RNLS: variants seen among roughly 807,000 people sequenced by gnomAD.
The protein encoded by RNLS is renalase, FAD dependent amine oxidase, also known as renalase.
Under a neutral mutation model 39.8 loss-of-function variants are expected in RNLS, and 39 were observed. The observed-to-expected ratio is 0.98, with a 90% CI of 0.76 to 1.28. The LOEUF (loss-of-function observed/expected upper bound fraction) is 1.28. RNLS is among the 50% of genes most tolerant of loss of function. The pLI, the probability that RNLS is intolerant of heterozygous loss-of-function variation, is 0.00. For missense variants in RNLS, 410 were observed against 413.3 expected (o/e 0.99, Z 0.07); for synonymous variants, 147 against 150.7 (o/e 0.98, Z 0.18).
the RNLS span, among the ~76,000 whole-genome samples, chr10:88,252,545 C>T: frequency 3.3e-5 from 5 of 152,152 alleles, no homozygotes; most frequent in Non-Finnish European, 5.9e-5. Flanking sequence ...CTTTACCTGC[C>T]CAAGTCTATA....
the RNLS span, among the ~76,000 whole-genome samples, chr10:88,176,737 A>G: frequency 1.3e-5 from 2 of 151,944 alleles, no homozygotes; most frequent in East Asian, 3.9e-4. Flanking sequence ...GTAATGGTAG[A>G]TATTGTTCTT....
At chr10:88,525,457 A>C (rs1847055051) in intron 4 of RNLS, among the ~76,000 whole-genome samples, 1 of 152,034 alleles carries the variant, frequency 6.6e-6, no homozygotes, top group Non-Finnish European at 1.5e-5. Context: ...CCTCATTTTT[A>C]TTTTTAATTT....
chr10:88,191,066 G>T, the RNLS span, among the ~76,000 whole-genome samples: 1 of 152,186 alleles, frequency 6.6e-6, no homozygotes, highest in Non-Finnish European at 1.5e-5. Flanking sequence ...GACCCAGCTG[G>T]CTTGGCTTAG....
chr10:88,409,613 A>G (rs948818838), intron 4 of RNLS, among the ~76,000 whole-genome samples: 10 of 152,112 alleles, frequency 6.6e-5, no homozygotes, highest in African/African-American at 2.4e-4. Flanking sequence ...AGGATTATAT[A>G]AAATAGTGGA....
chr10:88,231,942 CTG>C, the RNLS span, among the ~76,000 whole-genome samples: 10,602 of 149,714 alleles, frequency 0.071, 448 homozygotes, highest in East Asian at 0.14. Flanking sequence ...CACAGGATTT[CTG>C]TGTGTGTGTG....
At chr10:88,449,921 C>T (rs940917937) in intron 4 of RNLS, among the ~76,000 whole-genome samples, 1 of 151,888 alleles carries the variant, frequency 6.6e-6, no homozygotes, top group African/African-American at 2.4e-5. Flanking sequence ...GCATCAAGAA[C>T]AAAATGTCCA....
At chr10:88,466,835 A>C (rs1310097005) in intron 4 of RNLS, among the ~76,000 whole-genome samples, 1 of 152,168 alleles carries the variant, frequency 6.6e-6, no homozygotes, top group Non-Finnish European at 1.5e-5. Context: ...AGACGCAAAG[A>C]ATGTTTGAGC....
the RNLS span, among the ~76,000 whole-genome samples, chr10:88,267,994 CAGAA>C: frequency 6.6e-6 from 1 of 152,150 alleles, no homozygotes; most frequent in Non-Finnish European, 1.5e-5. Flanking sequence ...TTTTCATAAA[CAGAA>C]AGGTTCTGTG....
intron 5 of RNLS, among the ~76,000 whole-genome samples, chr10:88,340,101 T>G (rs1652355955): frequency 6.6e-6 from 1 of 152,242 alleles, no homozygotes. Flanking sequence ...TATCTTGCAA[T>G]AATTCAGACC....
the RNLS span, among the ~76,000 whole-genome samples, chr10:88,174,954 C>T: frequency 6.6e-6 from 1 of 152,108 alleles, no homozygotes; most frequent in Admixed American, 6.5e-5. Context: ...TTGGACTGTT[C>T]AGGTATTCTA....
intron 6 of RNLS, among the ~76,000 whole-genome samples, chr10:88,290,679 A>G (rs1333375952): frequency 6.6e-6 from 1 of 152,240 alleles, no homozygotes; most frequent in Non-Finnish European, 1.5e-5. Context: ...TGGTGAAGCC[A>G]TTCTAAAGGC....
At chr10:88,525,017 TGTACCCACAAAA>T in intron 4 of RNLS, among the ~76,000 whole-genome samples, 1 of 134,662 alleles carries the variant, frequency 7.4e-6, no homozygotes, top group African/African-American at 2.7e-5. Context: ...ACACATACTA[TGTACCCACAAAA>T]ATTAAAATAA....
chr10:88,498,441 A>G (rs1460104442), intron 4 of RNLS, among the ~76,000 whole-genome samples: 2 of 151,264 alleles, frequency 1.3e-5, no homozygotes, highest in African/African-American at 4.9e-5. Flanking sequence ...AAAATCAGAG[A>G]AACAACTAAA....
At chr10:88,239,211 T>C in the RNLS span, among the ~76,000 whole-genome samples, 1 of 152,214 alleles carries the variant, frequency 6.6e-6, no homozygotes, top group African/African-American at 2.4e-5. Context: ...CGAGGCCTGC[T>C]GTCCTCTGGG....
At chr10:88,498,405 G>A (rs1845290295) in intron 4 of RNLS, among the ~76,000 whole-genome samples, 1 of 151,008 alleles carries the variant, frequency 6.6e-6, no homozygotes, top group Non-Finnish European at 1.5e-5. Context: ...GAAAAAGAAA[G>A]ACCAAGGAAT....
chr10:88,480,071 T>G (rs1444667544), intron 4 of RNLS, among the ~76,000 whole-genome samples: 1 of 152,200 alleles, frequency 6.6e-6, no homozygotes, highest in Non-Finnish European at 1.5e-5. Context: ...GTTTTTGCAT[T>G]GTACTTGGCT....
At chr10:88,541,170 A>G (rs930612050) in intron 4 of RNLS, among the ~76,000 whole-genome samples, 4 of 152,202 alleles carry the variant, frequency 2.6e-5, no homozygotes, top group African/African-American at 9.6e-5. Context: ...CAGTTTCAGA[A>G]TGGAACATAA....
chr10:88,357,285 T>C (rs1849265072), intron 5 of RNLS, among the ~76,000 whole-genome samples: 1 of 152,202 alleles, frequency 6.6e-6, no homozygotes, highest in Non-Finnish European at 1.5e-5. Context: ...AGCTAGTAAA[T>C]GGTGGAACTG....
At chr10:88,516,622 A>C (rs1278936109) in intron 4 of RNLS, among the ~76,000 whole-genome samples, 1 of 152,000 alleles carries the variant, frequency 6.6e-6, no homozygotes, top group East Asian at 1.9e-4. Context: ...TCCATCTATA[A>C]AGTTGGTATT....
Sources: gnomAD v4.1 joint callset for allele counts (sites outside exome capture counted in the v4.1 genomes callset) on GRCh38, gnomAD v4.1.1 for gene constraint, MANE v1.5 for transcripts, NCBI Gene and HGNC (gene_info 2026-07-23, HGNC 2026-07-21) for gene names.